Variants in SH3GL3 observed in about 807,000 individuals in gnomAD.
SH3GL3 encodes the protein SH3 domain containing GRB2 like 3, endophilin A3.
A neutral mutation model predicts 47.7 loss-of-function variants in SH3GL3; 33 were observed. The ratio of observed to expected loss-of-function variants is 0.69; its 90% CI spans 0.52 to 0.92. The LOEUF is 0.92. SH3GL3 is among the 40% of genes least tolerant of loss of function. The pLI is 0.00. For synonymous variants in SH3GL3, 155 were observed against 148.8 expected (o/e 1.04, Z -0.30); for missense variants, 363 against 417.8 (o/e 0.87, Z 1.14).
intron 8 of SH3GL3, among the ~76,000 whole-genome samples, chr15:83,598,942 G>A (rs1458911075): frequency 6.6e-6 from 1 of 152,158 alleles, no homozygotes; most frequent in Non-Finnish European, 1.5e-5. Context: ...TTCAGTGAAA[G>A]TTATTTGAAT....
chr15:83,535,029 G>C (rs1228904842), intron 1 of SH3GL3, among the ~76,000 whole-genome samples: 1 of 152,104 alleles, frequency 6.6e-6, no homozygotes, highest in Admixed American at 6.5e-5. Flanking sequence ...TGAAGTCAAA[G>C]TTTTAATAAA....
At chr15:83,501,113 C>T (rs1025813201) in intron 1 of SH3GL3, among the ~76,000 whole-genome samples, 8 of 152,054 alleles carry the variant, frequency 5.3e-5, no homozygotes, top group African/African-American at 1.9e-4. Context: ...TTTTAGTGTT[C>T]CAAAGTTGTA....
intron 1 of SH3GL3, among the ~76,000 whole-genome samples, chr15:83,460,608 T>C (rs2151506767): frequency 6.6e-6 from 1 of 152,342 alleles, no homozygotes; most frequent in Middle Eastern, 3.4e-3. Context: ...CTTTGTGCTG[T>C]CTTTATTAGC....
chr15:83,628,828 C>A, the SH3GL3 span, among the ~76,000 whole-genome samples: 2 of 151,780 alleles, frequency 1.3e-5, no homozygotes, highest in Admixed American at 1.3e-4. Context: ...TGTAGAAAAT[C>A]CCAAGAATCT....
intron 1 of SH3GL3, among the ~76,000 whole-genome samples, chr15:83,460,029 C>T (rs1285375439): frequency 3.7e-5 from 1 of 27,372 alleles, no homozygotes; most frequent in African/African-American, 2.0e-4. Flanking sequence ...CCCTCCCCTC[C>T]CTCCCTCCCT....
chr15:83,606,129 A>G (rs2060509687), intron 8 of SH3GL3, among the ~76,000 whole-genome samples: 1 of 152,104 alleles, frequency 6.6e-6, no homozygotes, highest in Admixed American at 6.6e-5. Flanking sequence ...CCAAACTGGG[A>G]CCTGCTTTAA....
At chr15:83,553,315 T>C (rs1160605630) in intron 1 of SH3GL3, among the ~76,000 whole-genome samples, 1 of 152,240 alleles carries the variant, frequency 6.6e-6, no homozygotes, top group East Asian at 1.9e-4. Context: ...CTTTTCAGTC[T>C]TTCTATGTGT....
At chr15:83,505,811 T>C (rs1311916149) in intron 1 of SH3GL3, among the ~76,000 whole-genome samples, 6 of 152,204 alleles carry the variant, frequency 3.9e-5, no homozygotes, top group African/African-American at 7.2e-5. Context: ...ATTACAGGCA[T>C]GAGCCACTGC....
At chr15:83,466,447 G>A (rs1279216500) in intron 1 of SH3GL3, among the ~76,000 whole-genome samples, 1 of 151,636 alleles carries the variant, frequency 6.6e-6, no homozygotes, top group Non-Finnish European at 1.5e-5. Flanking sequence ...GGCATGCTAG[G>A]CTAAGGGAAC....
intron 5 of SH3GL3, 141 bp from the exon 6 acceptor site, chr15:83,576,442 C>T: frequency 1.6e-6 from 1 of 616,546 alleles, no homozygotes; most frequent in East Asian, 2.8e-5. Context: ...TGCTGAGGTG[C>T]TCCCAACAGC....
the SH3GL3 span, among the ~76,000 whole-genome samples, chr15:83,631,571 G>T: frequency 6.6e-6 from 1 of 152,224 alleles, no homozygotes; most frequent in South Asian, 2.1e-4. Flanking sequence ...AACACCATGT[G>T]TAAGCCACCA....
intron 4 of SH3GL3, among the ~76,000 whole-genome samples, chr15:83,571,535 C>T (rs924013101): frequency 1.3e-5 from 2 of 151,858 alleles, no homozygotes; most frequent in Non-Finnish European, 2.9e-5. Context: ...TTTAGAGTAA[C>T]GGTTCCTACT....
At chr15:83,487,608 C>G (rs1443481956) in intron 1 of SH3GL3, among the ~76,000 whole-genome samples, 2 of 152,148 alleles carry the variant, frequency 1.3e-5, no homozygotes, top group Non-Finnish European at 2.9e-5. Context: ...TCATAGGCAT[C>G]AGACTGTTGT....
At chr15:83,577,410 C>A (rs190854407) in intron 6 of SH3GL3, among the ~76,000 whole-genome samples, 7 of 151,926 alleles carry the variant, frequency 4.6e-5, no homozygotes, top group Non-Finnish European at 1.0e-4. Context: ...TGACTCACAT[C>A]TTTTTTTGGA....
intron 1 of SH3GL3, among the ~76,000 whole-genome samples, chr15:83,553,155 A>C (rs941692462): frequency 6.6e-6 from 1 of 151,778 alleles, no homozygotes; most frequent in South Asian, 2.1e-4. Context: ...GGTCTCAGCT[A>C]CTCCTGAGAT....
chr15:83,541,828 A>G (rs1482526215), intron 1 of SH3GL3, among the ~76,000 whole-genome samples: 2 of 152,088 alleles, frequency 1.3e-5, no homozygotes, highest in Admixed American at 1.3e-4. Flanking sequence ...TCTTTTTCCT[A>G]TAGAGTTATT....
chr15:83,509,308 C>T (rs1459550883), intron 1 of SH3GL3, among the ~76,000 whole-genome samples: 1 of 152,176 alleles, frequency 6.6e-6, no homozygotes, highest in East Asian at 1.9e-4. Flanking sequence ...CTTGGATGTC[C>T]CACCAACTTT....
At chr15:83,457,615 C>A (rs370490708) in intron 1 of SH3GL3, among the ~76,000 whole-genome samples, 1 of 152,220 alleles carries the variant, frequency 6.6e-6, no homozygotes, top group East Asian at 1.9e-4. Flanking sequence ...TCTTGTTTCA[C>A]TATCTCATTA....
intron 1 of SH3GL3, among the ~76,000 whole-genome samples, chr15:83,506,887 T>C (rs2042529805): frequency 6.6e-6 from 1 of 152,028 alleles, no homozygotes; most frequent in Non-Finnish European, 1.5e-5. Context: ...CTGGGGAGCA[T>C]CGCAGCTCTG....
Sources: allele counts gnomAD v4.1 joint callset (sites outside exome capture counted in the v4.1 genomes callset), GRCh38; gene constraint gnomAD v4.1.1; transcripts MANE v1.5; gene names NCBI Gene and HGNC (gene_info 2026-07-23, HGNC 2026-07-21).